The following ELF2 variants were observed in gnomAD, a reference collection of about 807,000 sequenced individuals.
ELF2 encodes the protein E74 like ETS transcription factor 2.
Under a neutral mutation model 54.8 loss-of-function variants are expected in ELF2, and 11 were observed. The observed-to-expected ratio is 0.20, with a 90% CI of 0.13 to 0.33. The LOEUF (loss-of-function observed/expected upper bound fraction) is 0.33, where lower values mean the gene tolerates loss of function less well. Among genes scored for constraint, ELF2 ranks in the 10% least tolerant of loss-of-function variants. The pLI is 1.00. For synonymous variants in ELF2, 203 were observed against 245.1 expected (o/e 0.83, Z 1.61); for missense variants, 513 against 703.0 (o/e 0.73, Z 3.06).
chr4:139,177,407 T>C (rs902241843), upstream of ELF2, among the ~76,000 whole-genome samples: 3 of 151,448 alleles, frequency 2.0e-5, no homozygotes, highest in African/African-American at 4.9e-5. Flanking sequence ...CCGCAGCGCC[T>C]GTCAAACGCG....
intron 4 of ELF2, among the ~76,000 whole-genome samples, chr4:139,104,204 A>G (rs1734185309): frequency 6.6e-6 from 1 of 152,174 alleles, no homozygotes; most frequent in Non-Finnish European, 1.5e-5. Context: ...GATATACTCA[A>G]TGAAAAAAAT....
intron 4 of ELF2, among the ~76,000 whole-genome samples, chr4:139,080,658 A>G (rs1730980468): frequency 6.6e-6 from 1 of 152,152 alleles, no homozygotes; most frequent in Admixed American, 6.5e-5. Flanking sequence ...TATACTTGAG[A>G]ATAAGGCAGA....
intron 4 of ELF2, among the ~76,000 whole-genome samples, chr4:139,106,377 A>C (rs911299717): frequency 2.0e-5 from 3 of 152,206 alleles, no homozygotes; most frequent in Admixed American, 6.5e-5. Context: ...TAGAGGAAGA[A>C]AGGATGATGA....
intron 4 of ELF2, among the ~76,000 whole-genome samples, chr4:139,106,893 G>A (rs546449941): frequency 6.9e-4 from 104 of 151,616 alleles, no homozygotes; most frequent in African/African-American, 2.4e-3. Flanking sequence ...ACAGGCATGC[G>A]CCACCATGCC....
intron 4 of ELF2, among the ~76,000 whole-genome samples, chr4:139,098,673 T>C (rs1357303454): frequency 2.0e-5 from 3 of 152,116 alleles, no homozygotes; most frequent in African/African-American, 7.2e-5. Context: ...TTTCACCATC[T>C]TGGCCAGGCT....
Position 139,137,656 on chromosome 4 carries a change from A to G in ELF2, c.46T>C (p.Ser16Pro). ...VDSGGTILELSSNGVENQEES... is the reference protein window; with the variant it reads ...VDSGGTILELPSNGVENQEES... Reference sequence around the variant, plus strand: ...TCTTGATTTTCTACTCCATTGCTGGAAAGCTCCAAAATAGTACCTCCACTG... The same window carrying G: ...TCTTGATTTTCTACTCCATTGCTGGGAAGCTCCAAAATAGTACCTCCACTG... The change falls in exon 3 of 10, where the codon TCC becomes CCC. Residue 16 changes from serine (S) to proline (P), a missense_variant. Ser to Pro is a moderately conservative substitution (Grantham distance 74, BLOSUM62 -1). Transcript: ENST00000686138. 6.2e-7 allele frequency: 1 copy of G among 1,614,090 alleles called. No individual in the cohort carries two copies. The highest frequency in any genetic ancestry group is 8.5e-7 in the Non-Finnish European group (1 of 1,180,012).
chr4:139,122,098 T>C (rs1034640250), intron 4 of ELF2, among the ~76,000 whole-genome samples: 2 of 152,176 alleles, frequency 1.3e-5, no homozygotes, highest in African/African-American at 4.8e-5. Context: ...AACACTCCAA[T>C]GAGAACATGC....
chr4:139,151,395 A>C (rs1313527507), intron 1 of ELF2, among the ~76,000 whole-genome samples: 1 of 152,208 alleles, frequency 6.6e-6, no homozygotes, highest in African/African-American at 2.4e-5. Flanking sequence ...AAGGCTGAAA[A>C]TCAAGAGACT....
intron 1 of ELF2, among the ~76,000 whole-genome samples, chr4:139,166,784 C>T (rs1036060039): frequency 6.6e-6 from 1 of 152,136 alleles, no homozygotes; most frequent in Non-Finnish European, 1.5e-5. Context: ...AGGAGAATGG[C>T]GTGAACCCAG....
chr4:139,139,520 G>A, intron 1 of ELF2, 23 bp from the exon 2 acceptor site: 1 of 1,159,252 alleles, frequency 8.6e-7, no homozygotes, highest in Non-Finnish European at 1.1e-6. Context: ...GGGGAAAAAA[G>A]ATAATATTAA....
At chr4:139,117,640 C>T (rs1270975319) in intron 4 of ELF2, among the ~76,000 whole-genome samples, 1 of 151,996 alleles carries the variant, frequency 6.6e-6, no homozygotes, top group Non-Finnish European at 1.5e-5. Flanking sequence ...GGTTGCAGTG[C>T]CACTGCACTC....
chr4:139,091,375 G>A (rs1732555858), intron 4 of ELF2, among the ~76,000 whole-genome samples: 1 of 151,594 alleles, frequency 6.6e-6, no homozygotes, highest in Non-Finnish European at 1.5e-5. Flanking sequence ...AGAAATAAAA[G>A]GTTTAAAAAT....
chr4:139,099,054 T>C (rs17050691), intron 4 of ELF2, among the ~76,000 whole-genome samples: 31,830 of 152,230 alleles, frequency 0.21, 4,356 homozygotes, highest in East Asian at 0.49. Context: ...ACGTCTTCTA[T>C]GTTCTGGATG....
At chr4:139,153,978 T>C (rs1299403049) in intron 1 of ELF2, among the ~76,000 whole-genome samples, 3 of 152,194 alleles carry the variant, frequency 2.0e-5, no homozygotes, top group East Asian at 1.9e-4. Flanking sequence ...TGTCCCCTTT[T>C]TCCCCTTTAA....
At chr4:139,143,698 C>T (rs1034924744) in intron 1 of ELF2, among the ~76,000 whole-genome samples, 2 of 152,000 alleles carry the variant, frequency 1.3e-5, no homozygotes, top group African/African-American at 4.8e-5. Context: ...GGCAGGAGCT[C>T]GAGCTCGGGA....
In ELF2 at chr4:139,059,430, A is replaced by G. The variant is rs371982014; in HGVS notation, c.1335T>C (p.Ser445=). The change falls in exon 10 of 10, where the codon TCT becomes TCC. Residue 445 remains serine, a synonymous_variant. Coordinates refer to ENST00000686138, the MANE Select transcript of ELF2 (RefSeq NM_001331036.3). The part of the protein sequence containing the change: ...IQTIPTVMPA[S]TENGDKITMQ... ...TGGTGATTTTGTCTCCATTTTCAGT[A>G]GAAGCTGGCATCACAGTAGGGATTG... 6.2e-7 allele frequency: 1 copy of G among 1,613,986 alleles called. No homozygotes were observed. Among genetic ancestry groups the G allele is most frequent in the Non-Finnish European group, 8.5e-7 (1 of 1,179,870 alleles).
At chr4:139,089,897 A>G (rs1732398079) in intron 4 of ELF2, among the ~76,000 whole-genome samples, 1 of 152,186 alleles carries the variant, frequency 6.6e-6, no homozygotes, top group Non-Finnish European at 1.5e-5. Context: ...TTTCCACATC[A>G]TATACCAACA....
At chr4:139,122,008 G>C (rs1341632457) in intron 4 of ELF2, among the ~76,000 whole-genome samples, 1 of 152,132 alleles carries the variant, frequency 6.6e-6, no homozygotes, top group Non-Finnish European at 1.5e-5. Context: ...TATGATTTTA[G>C]TACTCCAACA....
chr4:139,065,308 C>G (rs1052775718), intron 7 of ELF2, among the ~76,000 whole-genome samples: 9 of 152,050 alleles, frequency 5.9e-5, no homozygotes, highest in African/African-American at 2.2e-4. Flanking sequence ...GGGGACCCGT[C>G]TCTACAAAAA....
Sources: allele counts gnomAD v4.1 joint callset (sites outside exome capture counted in the v4.1 genomes callset), GRCh38; gene constraint gnomAD v4.1.1; transcripts MANE v1.5; gene names NCBI Gene and HGNC (gene_info 2026-07-23, HGNC 2026-07-21).